Variants in SLC9D1 observed in about 807,000 individuals in gnomAD.
SLC9D1 encodes solute carrier family 9 member D1.
At chr13:113,528,215 G>T in the SLC9D1 span, 2 of 152,060 alleles carry the variant, frequency 1.3e-5, no homozygotes, top group African/African-American at 2.4e-5. Flanking sequence ...GCGACTTTTC[G>T]TTGTATCCTG....
the SLC9D1 span, among the ~76,000 whole-genome samples, chr13:113,492,265 G>A: frequency 1.3e-5 from 2 of 152,184 alleles, no homozygotes; most frequent in South Asian, 4.1e-4. Flanking sequence ...TAATTGTGTC[G>A]TAATACAGCA....
At chr13:113,495,590 G>A in the SLC9D1 span, 6 of 1,539,134 alleles carry the variant, frequency 3.9e-6, no homozygotes, top group African/African-American at 2.8e-5. Flanking sequence ...TCATGAAGGT[G>A]TTGGGAAGAA....
chr13:113,550,192 ATAAT>A, the SLC9D1 span: 1 of 152,284 alleles, frequency 6.6e-6, no homozygotes, highest in East Asian at 1.9e-4. Context: ...TGATCATGGT[ATAAT>A]TAATTGAAAT....
chr13:113,521,102 CA>C, the SLC9D1 span, among the ~76,000 whole-genome samples: 1 of 151,886 alleles, frequency 6.6e-6, no homozygotes, highest in Non-Finnish European at 1.5e-5. Context: ...TGTATGTGTG[CA>C]CGGGGAGGGA....
the SLC9D1 span, among the ~76,000 whole-genome samples, chr13:113,540,514 G>A: frequency 2.6e-5 from 4 of 152,332 alleles, no homozygotes; most frequent in East Asian, 1.9e-4. Flanking sequence ...TTCCACATAC[G>A]TGTTGTGTTG....
the SLC9D1 span, chr13:113,524,013 G>T: frequency 2.4e-6 from 1 of 423,574 alleles, no homozygotes; most frequent in Non-Finnish European, 4.8e-6. Flanking sequence ...ATTTGTTGAG[G>T]TTTGTTTTAT....
the SLC9D1 span, chr13:113,495,582 A>G: frequency 2.6e-6 from 4 of 1,532,510 alleles, no homozygotes; most frequent in Non-Finnish European, 3.5e-6. Context: ...GACCTGGATC[A>G]TGAAGGTGTT....
chr13:113,531,682 G>A, the SLC9D1 span, among the ~76,000 whole-genome samples: 35 of 152,136 alleles, frequency 2.3e-4, no homozygotes, highest in Non-Finnish European at 3.2e-4. Context: ...AGGTGACACG[G>A]CGCCCCGTAC....
At chr13:113,526,013 G>A in the SLC9D1 span, among the ~76,000 whole-genome samples, 3 of 150,546 alleles carry the variant, frequency 2.0e-5, no homozygotes, top group Non-Finnish European at 2.9e-5. Context: ...AGAAGCCGTC[G>A]TCGTCGTAGG....
the SLC9D1 span, among the ~76,000 whole-genome samples, chr13:113,538,595 T>A: frequency 0.4 from 60,472 of 152,174 alleles, 13,985 homozygotes; most frequent in African/African-American, 0.64. Context: ...CGTGGGTCTC[T>A]GTGTCTTGCA....
chr13:113,502,256 C>T, the SLC9D1 span, among the ~76,000 whole-genome samples: 7 of 152,258 alleles, frequency 4.6e-5, no homozygotes, highest in African/African-American at 1.2e-4. Flanking sequence ...CACTGTCACC[C>T]GGGCTGGAGT....
At chr13:113,494,818 A>G in the SLC9D1 span, among the ~76,000 whole-genome samples, 4 of 152,128 alleles carry the variant, frequency 2.6e-5, no homozygotes, top group South Asian at 2.1e-4. Context: ...GGTGTCCCCA[A>G]GCAACCCAGT....
the SLC9D1 span, chr13:113,520,712 C>T: frequency 3.0e-5 from 49 of 1,613,062 alleles, no homozygotes; most frequent in Admixed American, 3.3e-5. Context: ...CTCATACAGG[C>T]GGGCGCCAGT....
the SLC9D1 span, among the ~76,000 whole-genome samples, chr13:113,508,578 CGAGCA>C: frequency 6.6e-6 from 1 of 152,106 alleles, no homozygotes; most frequent in African/African-American, 2.4e-5. Flanking sequence ...GAGAGGGGGC[CGAGCA>C]GAGTAGAGAC....
the SLC9D1 span, chr13:113,498,396 C>G: frequency 6.3e-7 from 1 of 1,576,494 alleles, no homozygotes; most frequent in Non-Finnish European, 8.6e-7. Context: ...AGTTGAAGCC[C>G]TTAAAAATAT....
At chr13:113,544,218 C>T in the SLC9D1 span, among the ~76,000 whole-genome samples, 23 of 152,246 alleles carry the variant, frequency 1.5e-4, no homozygotes, top group African/African-American at 5.1e-4. Context: ...CTCAGGTTCC[C>T]GCCCCGAGGC....
the SLC9D1 span, among the ~76,000 whole-genome samples, chr13:113,526,325 CAA>C: frequency 1.3e-5 from 2 of 152,164 alleles, no homozygotes; most frequent in East Asian, 1.9e-4. Flanking sequence ...AGTGTCATTA[CAA>C]AAGAGTCAAA....
chr13:113,544,931 C>T, the SLC9D1 span, among the ~76,000 whole-genome samples: 2 of 152,360 alleles, frequency 1.3e-5, no homozygotes, highest in Non-Finnish European at 2.9e-5. Context: ...GTGGAAGATG[C>T]CTGCCCAGCT....
chr13:113,506,678 C>T, the SLC9D1 span, among the ~76,000 whole-genome samples: 3 of 152,048 alleles, frequency 2.0e-5, no homozygotes, highest in Admixed American at 6.6e-5. Context: ...GTCAACAAGG[C>T]ACTGATCTGC....
Sources: gnomAD v4.1 joint callset for allele counts (sites outside exome capture counted in the v4.1 genomes callset) on GRCh38, gnomAD v4.1.1 for gene constraint, MANE v1.5 for transcripts, NCBI Gene and HGNC (gene_info 2026-07-23, HGNC 2026-07-21) for gene names.